The following TINAG variants were observed in gnomAD, a reference collection of about 807,000 sequenced individuals.
The protein encoded by TINAG is tubulointerstitial nephritis antigen.
Under a neutral mutation model 72.7 loss-of-function variants are expected in TINAG, and 83 were observed. That is an observed-to-expected ratio of 1.14 (90% CI 0.96 to 1.37). The LOEUF is 1.37. Among genes scored for constraint, TINAG ranks in the 40% most tolerant of loss-of-function variants. TINAG has a pLI of 0.00. For missense variants in TINAG, 685 were observed against 576.6 expected (o/e 1.19, Z -1.93); for synonymous variants, 234 against 189.9 (o/e 1.23, Z -1.91).
At chr6:54,356,002 C>G (rs1382595972) in intron 9 of TINAG, among the ~76,000 whole-genome samples, 3 of 151,804 alleles carry the variant, frequency 2.0e-5, no homozygotes, top group Non-Finnish European at 1.5e-5. Context: ...TCTCAACATT[C>G]TTTCTAACAC....
intron 9 of TINAG, among the ~76,000 whole-genome samples, chr6:54,355,891 AAG>A (rs1359583520): frequency 1.3e-5 from 2 of 151,776 alleles, no homozygotes; most frequent in Admixed American, 6.6e-5. Context: ...GAAAGAAGGA[AAG>A]AGATTTCACA....
intron 9 of TINAG, among the ~76,000 whole-genome samples, chr6:54,362,564 A>T (rs1763272828): frequency 6.6e-6 from 1 of 151,690 alleles, no homozygotes; most frequent in Admixed American, 6.6e-5. Flanking sequence ...AAGGAGATTA[A>T]TGTTGTCTTC....
intron 9 of TINAG, among the ~76,000 whole-genome samples, chr6:54,362,855 T>G (rs758851897): frequency 6.6e-6 from 1 of 151,484 alleles, no homozygotes; most frequent in Non-Finnish European, 1.5e-5. Context: ...TGGGTGGATT[T>G]CGAGACTTTA....
At chr6:54,318,372 T>C (rs1784418892) in intron 1 of TINAG, among the ~76,000 whole-genome samples, 1 of 152,142 alleles carries the variant, frequency 6.6e-6, no homozygotes, top group Non-Finnish European at 1.5e-5. Flanking sequence ...AGCTGTACCA[T>C]TTCTTTATTA....
chr6:54,317,433 G>A (rs1605676), intron 1 of TINAG, among the ~76,000 whole-genome samples: 121,166 of 151,964 alleles, frequency 0.8, 48,628 homozygotes, highest in African/African-American at 0.87. Flanking sequence ...AGTAGTGAAT[G>A]AGTCTCATAA....
At chr6:54,385,283 A>G (rs1764066462) in intron 10 of TINAG, among the ~76,000 whole-genome samples, 1 of 152,088 alleles carries the variant, frequency 6.6e-6, no homozygotes, top group Non-Finnish European at 1.5e-5. Context: ...ACAAGGAGAG[A>G]CAAATTGCCA....
At chr6:54,327,290 GC>G in intron 4 of TINAG, 17 of 1,124,140 alleles carry the variant, frequency 1.5e-5, no homozygotes, top group Non-Finnish European at 2.0e-5. Flanking sequence ...AGTGGGTGCA[GC>G]CCATGGAGGG....
At chr6:54,382,750 T>G (rs1405761695) in intron 10 of TINAG, among the ~76,000 whole-genome samples, 1 of 151,998 alleles carries the variant, frequency 6.6e-6, no homozygotes, top group Non-Finnish European at 1.5e-5. Context: ...ACCAATAAAA[T>G]TTGTCTACAC....
chr6:54,327,205 G>C (rs1417343068), intron 4 of TINAG: 103 of 1,527,012 alleles, frequency 6.7e-5, no homozygotes, highest in Non-Finnish European at 9.0e-5. Context: ...CTCCCAGCGA[G>C]ACCAACGTAG....
rs534947852 is a variant in TINAG, at chr6:54,339,564, G to T, written c.625-3662G>T. Among the ~76,000 whole-genome samples, 55 of 152,156 alleles carry T rather than the reference G, an allele frequency of 3.6e-4. No individual in the cohort carries two copies. The South Asian group carries it at 0.011, about 31-fold the overall frequency. On this transcript the variant is annotated intron_variant, in intron 4 of 10. Coordinates refer to ENST00000259782, the MANE Select transcript of TINAG (RefSeq NM_014464.4). ...GGCGGGTTGAGGGGGGTGCATGGAG[G>T]GGCTGGGAAGTGGGCAATTACATTA... is the stretch of plus-strand genomic sequence containing the variant.
At chr6:54,372,761 T>C (rs1158699343) in intron 9 of TINAG, among the ~76,000 whole-genome samples, 2 of 35,936 alleles carry the variant, frequency 5.6e-5, no homozygotes, top group Non-Finnish European at 1.1e-4. Context: ...TATATATATA[T>C]ATATATATAT....
intron 9 of TINAG, 142 bp from the exon 10 acceptor site, chr6:54,380,384 C>T (rs1763911415): frequency 3.5e-6 from 2 of 578,972 alleles, no homozygotes; most frequent in African/African-American, 3.8e-5. Flanking sequence ...TTCTGTAGGG[C>T]AATGGTGATA....
At chr6:54,359,251 A>G (rs970463122) in intron 9 of TINAG, among the ~76,000 whole-genome samples, 2 of 151,862 alleles carry the variant, frequency 1.3e-5, no homozygotes, top group African/African-American at 4.8e-5. Flanking sequence ...CCTAAGTTCC[A>G]TTTCCAGTAA....
intron 8 of TINAG, 116 bp downstream of exon 8, chr6:54,351,513 C>A: frequency 1.1e-6 from 1 of 881,702 alleles, no homozygotes; most frequent in Non-Finnish European, 1.7e-6. Context: ...TTAAGAGTAT[C>A]CAAAAGGCTT....
intron 3 of TINAG, among the ~76,000 whole-genome samples, chr6:54,324,390 C>T (rs1784559383): frequency 6.6e-6 from 1 of 152,152 alleles, no homozygotes; most frequent in Non-Finnish European, 1.5e-5. Context: ...GGCTTCTTCT[C>T]ATAATTATTA....
chr6:54,375,939 C>A (rs1763766030), intron 9 of TINAG, among the ~76,000 whole-genome samples: 1 of 152,150 alleles, frequency 6.6e-6, no homozygotes, highest in South Asian at 2.1e-4. Context: ...AATGCCACGT[C>A]TGGTAACCAT....
upstream of TINAG, chr6:54,308,070 G>A (rs935018938): frequency 8.4e-6 from 13 of 1,549,820 alleles, no homozygotes; most frequent in African/African-American, 2.7e-5. Context: ...AACCTCATGA[G>A]AGCCTGGATG....
chr6:54,368,112 TA>T (rs151080354), intron 9 of TINAG, among the ~76,000 whole-genome samples: 4,395 of 151,528 alleles, frequency 0.029, 217 homozygotes, highest in African/African-American at 0.096. Context: ...GAATATTGAG[TA>T]AACCCCATTA....
chr6:54,323,579 T>C (rs1039862363), intron 3 of TINAG, among the ~76,000 whole-genome samples: 2 of 152,264 alleles, frequency 1.3e-5, no homozygotes, highest in African/African-American at 2.4e-5. Flanking sequence ...AGTGCTTATT[T>C]ATTCTCTGTA....
Sources: gnomAD v4.1 joint callset for allele counts (sites outside exome capture counted in the v4.1 genomes callset) on GRCh38, gnomAD v4.1.1 for gene constraint, MANE v1.5 for transcripts, NCBI Gene and HGNC (gene_info 2026-07-23, HGNC 2026-07-21) for gene names.